The following POMK variants were observed in gnomAD, a reference collection of about 807,000 sequenced individuals.
The protein encoded by POMK is protein O-mannose kinase, also known as Sugen kinase 196.
POMK carries 19 observed loss-of-function variants against 23.0 expected under a neutral mutation model. The observed-to-expected ratio is 0.83, with a 90% confidence interval of 0.58 to 1.21. The LOEUF is 1.21. Among genes scored for constraint, POMK ranks in the 50% most tolerant of loss-of-function variants. The pLI, the probability that POMK is intolerant of heterozygous loss-of-function variation, is 0.00. For missense variants in POMK, 410 were observed against 431.3 expected, an observed-to-expected ratio of 0.95 and a Z score of 0.44; for synonymous variants, 173 against 171.6, an observed-to-expected ratio of 1.01 and a Z score of -0.06.
chr8:43,098,386 G>T, intron 2 of POMK, among the ~76,000 whole-genome samples: 1 of 152,186 alleles, frequency 6.6e-6, no homozygotes, highest in Non-Finnish European at 1.5e-5. Flanking sequence ...TGGCCTTTTT[G>T]TCAGGCTTAT....
At chr8:43,098,124 G>A (rs1811370978) in intron 2 of POMK, among the ~76,000 whole-genome samples, 1 of 152,152 alleles carries the variant, frequency 6.6e-6, no homozygotes, top group Non-Finnish European at 1.5e-5. Flanking sequence ...GAGACTTCAA[G>A]GAAGATATAA....
At chr8:43,104,826 G>A (rs1422648872) in intron 4 of POMK, among the ~76,000 whole-genome samples, 1 of 152,040 alleles carries the variant, frequency 6.6e-6, no homozygotes, top group African/African-American at 2.4e-5. Flanking sequence ...CACTACTTGG[G>A]AAGCTCAGGT....
rs540593022 is a variant in POMK at position 43,110,530 on chromosome 8, A to G, written c.282+6700A>G. Among the ~76,000 whole-genome samples, 6 of 152,364 alleles carry G rather than the reference A, an allele frequency of 3.9e-5. No homozygotes were observed. In the East Asian group the frequency reaches 9.6e-4, roughly 24 times the overall value. Reference sequence around the variant, plus strand: ...ACAACTTACAGAGACCATCTACAACATGCTTGGACTTTCAGACTTTTCCTA... The same window carrying G: ...ACAACTTACAGAGACCATCTACAACGTGCTTGGACTTTCAGACTTTTCCTA... On this transcript the variant is annotated intron_variant, in intron 4 of 4. Transcript: ENST00000331373.
At chr8:43,100,864 G>A (rs1010863521) in intron 2 of POMK, among the ~76,000 whole-genome samples, 7 of 152,034 alleles carry the variant, frequency 4.6e-5, no homozygotes, top group East Asian at 1.9e-4. Context: ...TGAGGTGCAC[G>A]TGTGTCCCTG....
chr8:43,105,819 AT>A (rs201433586), intron 4 of POMK, among the ~76,000 whole-genome samples: 2,069 of 152,218 alleles, frequency 0.014, 139 homozygotes, highest in Admixed American at 0.11. Context: ...ATGTGCCACC[AT>A]GCCCGGCTAA....
At chr8:43,119,534 G>A (rs1392453845) in intron 4 of POMK, among the ~76,000 whole-genome samples, 1 of 145,954 alleles carries the variant, frequency 6.9e-6, no homozygotes, top group Non-Finnish European at 1.5e-5. Flanking sequence ...CTGGGTTCAA[G>A]CAATTCTCCT....
chr8:43,112,527 A>G (rs1337701173), intron 4 of POMK, among the ~76,000 whole-genome samples: 1 of 152,218 alleles, frequency 6.6e-6, no homozygotes, highest in Non-Finnish European at 1.5e-5. Flanking sequence ...CAATCTAGCA[A>G]GGCAGGCCAA....
At chr8:43,120,480 A>G (rs1728114024) in intron 4 of POMK, among the ~76,000 whole-genome samples, 1 of 151,234 alleles carries the variant, frequency 6.6e-6, no homozygotes, top group Non-Finnish European at 1.5e-5. Context: ...CTTGGCTTCC[A>G]AAAGTGCTGG....
chr8:43,114,948 C>T (rs753758812), intron 4 of POMK, among the ~76,000 whole-genome samples: 1 of 151,916 alleles, frequency 6.6e-6, no homozygotes, highest in East Asian at 1.9e-4. Flanking sequence ...TTTTTCTCAT[C>T]GTTATAATGA....
intron 4 of POMK, among the ~76,000 whole-genome samples, chr8:43,111,391 C>A (rs1175356354): frequency 6.6e-6 from 1 of 152,206 alleles, no homozygotes; most frequent in East Asian, 1.9e-4. Context: ...CCCGCCATTG[C>A]TCAGGCTTGA....
At chr8:43,105,256 G>A (rs1811522694) in intron 4 of POMK, among the ~76,000 whole-genome samples, 2 of 152,114 alleles carry the variant, frequency 1.3e-5, no homozygotes, top group African/African-American at 4.8e-5. Context: ...TCATCCTATG[G>A]TGCTATGAAA....
At chr8:43,116,252 A>C (rs1406438484) in intron 4 of POMK, among the ~76,000 whole-genome samples, 1 of 152,172 alleles carries the variant, frequency 6.6e-6, no homozygotes. Context: ...ATATTGTAAG[A>C]CCACATTAAC....
chr8:43,119,884 A>G (rs1374920587), intron 4 of POMK, among the ~76,000 whole-genome samples: 4 of 151,828 alleles, frequency 2.6e-5, no homozygotes, highest in African/African-American at 9.7e-5. Context: ...AGATCCAGAA[A>G]AGATCTTCAT....
intron 4 of POMK, 101 bp downstream of exon 4, chr8:43,103,931 C>T (rs1271490268): frequency 1.6e-6 from 2 of 1,217,540 alleles, no homozygotes; most frequent in African/African-American, 3.0e-5. Context: ...GAATTTCATC[C>T]TTTGTTACTG....
chr8:43,114,622 C>T (rs1338155560), intron 4 of POMK, among the ~76,000 whole-genome samples: 2 of 152,244 alleles, frequency 1.3e-5, no homozygotes, highest in Non-Finnish European at 2.9e-5. Context: ...ACCCACTGTC[C>T]TGCACCCACT....
Position 43,122,619 on chromosome 8 carries a change from CG to C in POMK, c.796del (p.Val266CysfsTer77), listed in dbSNP as rs1811945170. The C allele has an allele frequency of 6.2e-7, 1 of 1,614,034 alleles. No homozygotes were observed. Among genetic ancestry groups the C allele is most frequent in the Non-Finnish European group, 8.5e-7 (1 of 1,180,034 alleles). ...AGCAACTGTGGCCCTATGGAGAGGA[CG>C]TGCCTTTCCACGATGATCTCATGCC... ...PEQLWPYGEDVPFHDDLMPSY... is the reference protein window; with the variant it reads ...PEQLWPYGEDXPFHDDLMPSY... On this transcript the variant is annotated frameshift_variant, in exon 5 of 5. Coordinates refer to ENST00000331373, the MANE Select transcript of POMK (RefSeq NM_032237.5). LOFTEE classifies it high-confidence loss of function.
At chr8:43,107,197 T>G (rs1204555102) in intron 4 of POMK, among the ~76,000 whole-genome samples, 2 of 152,114 alleles carry the variant, frequency 1.3e-5, no homozygotes, top group Non-Finnish European at 2.9e-5. Flanking sequence ...AATATTAGGA[T>G]TTAGTCTAAA....
intron 4 of POMK, among the ~76,000 whole-genome samples, chr8:43,107,651 G>A (rs1046384050): frequency 1.3e-5 from 2 of 151,064 alleles, no homozygotes; most frequent in Non-Finnish European, 2.9e-5. Flanking sequence ...GGGATTACAG[G>A]CATGAATCAG....
chr8:43,115,963 G>A (rs1303555684), intron 4 of POMK, among the ~76,000 whole-genome samples: 1 of 152,176 alleles, frequency 6.6e-6, no homozygotes, highest in Admixed American at 6.5e-5. Context: ...TTTCTGTCTG[G>A]GCTGTAGTTC....
Sources: gnomAD v4.1 joint callset for allele counts (sites outside exome capture counted in the v4.1 genomes callset) on GRCh38, gnomAD v4.1.1 for gene constraint, MANE v1.5 for transcripts, NCBI Gene and HGNC (gene_info 2026-07-23, HGNC 2026-07-21) for gene names.